TAB3: variants seen among roughly 807,000 people sequenced by gnomAD.
TAB3 encodes the protein TGF-beta activated kinase 1 (MAP3K7) binding protein 3.
In TAB3, 18 loss-of-function variants were observed where a neutral mutation model predicts 48.1. The ratio of observed to expected loss-of-function variants is 0.37; its 90% CI spans 0.26 to 0.55. The LOEUF is 0.55. Ranked by LOEUF, TAB3 falls within the 20% of genes least tolerant of loss-of-function variation. The pLI is 0.78. For synonymous variants in TAB3, 185 were observed against 190.2 expected (o/e 0.97, Z 0.22); for missense variants, 414 against 549.8 (o/e 0.75, Z 2.47).
At chrX:30,865,029 G>A (rs915610934) in intron 4 of TAB3, among the ~76,000 whole-genome samples, 3 of 111,464 alleles carry the variant, frequency 2.7e-5, no homozygotes, top group African/African-American at 9.8e-5. Flanking sequence ...CTAGATACCT[G>A]CTGGGTTTGT....
At chrX:30,852,721 T>C in intron 7 of TAB3, 57 bp downstream of exon 7, 1 of 1,083,902 alleles carries the variant, frequency 9.2e-7, no homozygotes, top group African/African-American at 1.8e-5. Flanking sequence ...GAAAAATAAA[T>C]GACCTGACAG....
At position 30,875,873 on chromosome X, in the gene TAB3, A is replaced by G. The variant is rs1458812619; in HGVS notation, c.-382-4072T>C. On this transcript the variant is annotated intron_variant, in intron 1 of 10. Transcript: ENST00000288422. ...CAAAGCTTAAACAGAACTAGGGCTG[A>G]GTCTGAAGTCTTAGAGAAAATGACA... Among the ~76,000 whole-genome samples, 3 of 112,422 alleles carry G rather than the reference A, an allele frequency of 2.7e-5. No individual in the cohort carries two copies. In the Admixed American group the frequency reaches 2.8e-4, roughly 11 times the overall value.
intron 6 of TAB3, 58 bp downstream of exon 6, chrX:30,854,058 A>T: frequency 9.0e-7 from 1 of 1,109,654 alleles, no homozygotes; most frequent in Non-Finnish European, 1.2e-6. Flanking sequence ...AATATATTTG[A>T]ATGGGAGACT....
chrX:30,879,053 G>A (rs1393530097), intron 1 of TAB3, among the ~76,000 whole-genome samples: 1 of 111,171 alleles, frequency 9.0e-6, no homozygotes, highest in African/African-American at 3.3e-5. Flanking sequence ...AAGAAAAAGA[G>A]CAAAATAATT....
chrX:30,865,277 C>T (rs893155642), intron 4 of TAB3, among the ~76,000 whole-genome samples: 7 of 112,250 alleles, frequency 6.2e-5, no homozygotes, highest in African/African-American at 1.6e-4. Flanking sequence ...CTGACAGCCA[C>T]TGCTAGCATA....
At chrX:30,846,766 T>C (rs180679552) in intron 7 of TAB3, 122 bp from the exon 8 acceptor site, 2 of 426,328 alleles carry the variant, frequency 4.7e-6, no homozygotes, top group African/African-American at 4.9e-5. Flanking sequence ...CCTTAGTCCA[T>C]AAGAGGGCAT....
intron 1 of TAB3, among the ~76,000 whole-genome samples, chrX:30,888,231 T>C (rs1488550510): frequency 8.9e-6 from 1 of 112,922 alleles, no homozygotes; most frequent in Non-Finnish European, 1.9e-5. Flanking sequence ...TCATTCATTC[T>C]TGTTCTTTTA....
At chrX:30,834,187 T>A (rs1327342085) in intron 9 of TAB3, 35 bp from the exon 10 acceptor site, 2 of 1,149,644 alleles carry the variant, frequency 1.7e-6, no homozygotes, top group African/African-American at 3.6e-5. Context: ...AAAGAAGTGA[T>A]CCAGTCTTTC....
chrX:30,867,965 C>T (rs990755372), intron 2 of TAB3, among the ~76,000 whole-genome samples: 2 of 104,435 alleles, frequency 1.9e-5, no homozygotes, highest in African/African-American at 7.0e-5. Context: ...GGCAAACTCA[C>T]GGCTCACTGC....
intron 4 of TAB3, among the ~76,000 whole-genome samples, chrX:30,861,165 T>C (rs1251846868): frequency 2.7e-5 from 3 of 112,129 alleles, no homozygotes; most frequent in African/African-American, 9.7e-5. Flanking sequence ...AACAAAAGCC[T>C]GTAGCTCTAC....
At chrX:30,846,168 CTG>C in intron 8 of TAB3, 1 of 618,082 alleles carries the variant, frequency 1.6e-6, no homozygotes, top group Non-Finnish European at 2.1e-6. Flanking sequence ...TATTTTAAAA[CTG>C]AGAAATCTGA....
chrX:30,871,094 TAGAAATCAC>T (rs200702269), intron 2 of TAB3, among the ~76,000 whole-genome samples: 600 of 112,446 alleles, frequency 5.3e-3, no homozygotes, highest in Middle Eastern at 0.014. Flanking sequence ...ATAAACTATG[TAGAAATCAC>T]GGCTGATATT....
At chrX:30,874,154 AGAGT>A (rs1283054781) in intron 1 of TAB3, among the ~76,000 whole-genome samples, 1 of 111,894 alleles carries the variant, frequency 8.9e-6, no homozygotes, top group African/African-American at 3.3e-5. Flanking sequence ...CCTGGGGGAC[AGAGT>A]GAGACCCTGT....
At chrX:30,860,796 G>T (rs1371046128) in intron 4 of TAB3, among the ~76,000 whole-genome samples, 1 of 112,002 alleles carries the variant, frequency 8.9e-6, no homozygotes, top group Non-Finnish European at 1.9e-5. Flanking sequence ...GTTGATGGTA[G>T]ATTAGAAGTA....
chrX:30,875,228 A>G (rs1939791839), intron 1 of TAB3, among the ~76,000 whole-genome samples: 1 of 112,467 alleles, frequency 8.9e-6, no homozygotes, highest in Admixed American at 9.4e-5. Flanking sequence ...ACAATGCTGT[A>G]ATATTAACAG....
chrX:30,832,887 T>G (rs947740645), intron 10 of TAB3, among the ~76,000 whole-genome samples: 1 of 111,909 alleles, frequency 8.9e-6, no homozygotes, highest in African/African-American at 3.2e-5. Flanking sequence ...ACATGTAGAT[T>G]TAATACAGTT....
intron 6 of TAB3, among the ~76,000 whole-genome samples, chrX:30,853,548 T>C (rs1434659921): frequency 8.9e-6 from 1 of 112,953 alleles, no homozygotes; most frequent in African/African-American, 3.2e-5. Flanking sequence ...GTTTGTACTT[T>C]TGACAATTTC....
intron 1 of TAB3, among the ~76,000 whole-genome samples, chrX:30,873,199 T>G (rs904314069): frequency 2.7e-5 from 3 of 111,704 alleles, no homozygotes; most frequent in Non-Finnish European, 5.7e-5. Flanking sequence ...ACAGCACAGG[T>G]TTGAATTATG....
In TAB3 at chrX:30,855,085, G is replaced by A; in HGVS notation, c.580C>T (p.Pro194Ser). ...TTCTGGGATACTGTAACAGTAATTG[G>A]ATTTGTACTATACCGAGGTATGTGC... is the stretch of plus-strand genomic sequence containing the variant. Reference protein sequence around the residue: ...YMHIPRYSTNPITVTVSQNLP... With the variant: ...YMHIPRYSTNSITVTVSQNLP... The change falls in exon 6 of 11, where the codon CCA becomes TCA. Residue 194 changes from proline to serine, a missense_variant. By Grantham distance (74) the Pro-to-Ser change is moderately conservative. Transcript: ENST00000288422. 2 of 1,211,790 alleles carry A rather than the reference G, an allele frequency of 1.7e-6. No homozygotes were observed. Among genetic ancestry groups the A allele is most frequent in the Non-Finnish European group, 2.2e-6 (2 of 895,502 alleles).
Sources: allele counts gnomAD v4.1 joint callset (sites outside exome capture counted in the v4.1 genomes callset), GRCh38; gene constraint gnomAD v4.1.1; transcripts MANE v1.5; gene names NCBI Gene and HGNC (gene_info 2026-07-23, HGNC 2026-07-21).